Variants in SART3 observed in about 807,000 individuals in gnomAD.
The protein encoded by SART3 is spliceosome associated factor 3, U4/U6 recycling protein.
Under a neutral mutation model 122.3 loss-of-function variants are expected in SART3, and 44 were observed. The observed-to-expected ratio is 0.36, with a 90% CI of 0.28 to 0.46. The LOEUF is 0.46. SART3 is among the 20% of genes least tolerant of loss of function. The probability of loss-of-function intolerance (pLI) is 1.00; values close to 1 mark genes in which losing one functional copy is unlikely to be tolerated. For missense variants in SART3, 1,101 were observed against 1,229.0 expected (o/e 0.90, Z 1.56); for synonymous variants, 442 against 454.0 (o/e 0.97, Z 0.34).
chr12:108,530,045 G>A, intron 15 of SART3, 97 bp downstream of exon 15: 1 of 1,375,022 alleles, frequency 7.3e-7, no homozygotes, highest in East Asian at 2.3e-5. Flanking sequence ...TGGGTATCAA[G>A]CTGGTAACGG....
chr12:108,545,154 A>C lies in SART3; in HGVS notation c.714T>G (p.Ile238Met), dbSNP rs760351499. Residue 238 changes from isoleucine (I) to methionine (M), a missense_variant, in exon 4 of 19, where the codon ATT becomes ATG. Coordinates refer to ENST00000546815, the MANE Select transcript of SART3 (RefSeq NM_014706.4). ...WEAYREFESA[I>M]VEAARLEKVH... is the part of the protein sequence containing the mutation. ...AGGTACTCACCCGAGCAGCTTCCAC[A>C]ATCGCACTTTCAAACTCTCGGTAAG... 6.2e-6 allele frequency: 10 copies of C among 1,614,000 alleles called. No homozygotes were observed. The highest frequency in any genetic ancestry group is 7.6e-6 in the Non-Finnish European group (9 of 1,179,992).
At chr12:108,533,813 G>A (rs1371892114) in intron 12 of SART3, among the ~76,000 whole-genome samples, 1 of 152,164 alleles carries the variant, frequency 6.6e-6, no homozygotes, top group Non-Finnish European at 1.5e-5. Context: ...TAGAATTGTG[G>A]CATCAAGTAA....
intron 1 of SART3, among the ~76,000 whole-genome samples, chr12:108,552,551 AAACAAAAG>A (rs1359024327): frequency 6.6e-6 from 1 of 151,746 alleles, no homozygotes; most frequent in Non-Finnish European, 1.5e-5. Context: ...ACAAAAAAAA[AAACAAAAG>A]AACATGTGGA....
In SART3 at chr12:108,545,112, C is replaced by A. The variant is rs761691841; in HGVS notation, c.729+27G>T. 5.0e-6 allele frequency: 8 copies of A among 1,609,998 alleles called. No individual in the cohort carries two copies. The South Asian group carries it at 8.8e-5, about 18-fold the overall frequency. ...GAGACTTACAAAGACAGCCCCAACC[C>A]GTTCAGAGACAACCACAGGTACTCA... On this transcript the variant is annotated intron_variant, in intron 4 of 18. Transcript: ENST00000546815.
intron 11 of SART3, among the ~76,000 whole-genome samples, chr12:108,536,211 G>C (rs2136673819): frequency 6.6e-6 from 1 of 152,316 alleles, no homozygotes; most frequent in Non-Finnish European, 1.5e-5. Flanking sequence ...CGCTCACTGT[G>C]CTCTCACAAA....
chr12:108,561,100 C>T lies in SART3; in HGVS notation c.55G>A (p.Gly19Arg). ...ASEPEAESKAGPKADGEEDEV... is the reference protein window; with the variant it reads ...ASEPEAESKARPKADGEEDEV... ...TCCTCCTCTCCGTCAGCCTTGGGCCCAGCCTTGGACTCAGCCTCGGGTTCT... is the reference window on the plus strand; with the variant it reads ...TCCTCCTCTCCGTCAGCCTTGGGCCTAGCCTTGGACTCAGCCTCGGGTTCT... Residue 19 changes from glycine (G) to arginine (R), a missense_variant, in exon 1 of 19, where the codon GGG becomes AGG. This residue lies in a region of SART3 where 216 missense variants were observed against 148.9 expected (regional missense o/e 1.45). Transcript: ENST00000546815. 4 of 1,613,928 alleles carry T rather than the reference C, an allele frequency of 2.5e-6. No individual in the cohort carries two copies. The highest frequency in any genetic ancestry group is 1.1e-5 in the South Asian group (1 of 91,078).
chr12:108,545,391 A>G, intron 3 of SART3, 68 bp from the exon 4 acceptor site: 1 of 1,505,980 alleles, frequency 6.6e-7, no homozygotes, highest in Non-Finnish European at 9.2e-7. Context: ...GATGCATAAC[A>G]AACGAAATGT....
In SART3 at chr12:108,523,649, A is replaced by G. The variant is rs1872235030; in HGVS notation, c.2715-15T>C. 6.2e-7 allele frequency: 1 copy of G among 1,612,050 alleles called. No homozygotes were observed. The highest frequency in any genetic ancestry group is 8.5e-7 in the Non-Finnish European group (1 of 1,178,532). On this transcript the variant is annotated splice_polypyrimidine_tract_variant and intron_variant, in intron 18 of 18. Transcript: ENST00000546815. ...CCTTCCCCCTCCTAAAAGAGCAAAC[A>G]CTGAATGGACCTTTTGAAGCAACAA...
intron 14 of SART3, among the ~76,000 whole-genome samples, chr12:108,530,806 C>T (rs1032201197): frequency 1.3e-5 from 2 of 151,676 alleles, no homozygotes; most frequent in African/African-American, 2.4e-5. Flanking sequence ...TGCAGTGAGC[C>T]GAGATCATGC....
At chr12:108,552,141 CAA>C (rs2030032731) in intron 1 of SART3, among the ~76,000 whole-genome samples, 2 of 151,874 alleles carry the variant, frequency 1.3e-5, no homozygotes, top group Non-Finnish European at 2.9e-5. Context: ...CAAAATCCAA[CAA>C]CGATTCATGG....
chr12:108,542,837 G>T, intron 6 of SART3, 191 bp downstream of exon 6: 2 of 788,850 alleles, frequency 2.5e-6, no homozygotes, highest in Non-Finnish European at 4.2e-6. Flanking sequence ...TACTGGCAAT[G>T]TTCTATTTCT....
intron 10 of SART3, 56 bp from the exon 11 acceptor site, chr12:108,536,628 G>C: frequency 1.2e-6 from 2 of 1,608,798 alleles, no homozygotes; most frequent in Non-Finnish European, 1.7e-6. Context: ...ATAGTCGCTG[G>C]CTGAAAAGGT....
At position 108,560,975 on chromosome 12, in the gene SART3, T is replaced by C; in HGVS notation, c.180A>G (p.Glu60=). 1 of 1,614,108 alleles carries C rather than the reference T, an allele frequency of 6.2e-7. No individual in the cohort carries two copies. The highest frequency in any genetic ancestry group is 8.5e-7 in the Non-Finnish European group (1 of 1,180,004). ...CATCCCCATCGCTCTCGCTCACGCC[T>C]TCCTCCTGCTGATCCCACGCTGGCC... ...TMGPAWDQQE[E]GVSESDGDEY... The change falls in exon 1 of 19, where the codon GAA becomes GAG. Residue 60 remains glutamate (E), a synonymous_variant. Coordinates refer to ENST00000546815, the MANE Select transcript of SART3 (RefSeq NM_014706.4).
At chr12:108,529,191 T>C (rs1006249348) in intron 15 of SART3, among the ~76,000 whole-genome samples, 10 of 152,256 alleles carry the variant, frequency 6.6e-5, no homozygotes, top group Non-Finnish European at 1.2e-4. Flanking sequence ...GGGAACCCTG[T>C]GGTGTTAGAC....
In SART3 at chr12:108,545,280, CCCA is replaced by C; in HGVS notation, c.585_587del (p.Gly196del). On this transcript the variant is annotated inframe_deletion, in exon 4 of 19. Transcript: ENST00000546815. ...TCTCAAGGCCACCTTTCTGACCAAT[CCCA>C]CCAACTGAGTACTGGCCATACTCTA... 1 of 1,614,170 alleles carries C rather than the reference CCCA, an allele frequency of 6.2e-7. No homozygotes were observed. Among genetic ancestry groups the C allele is most frequent in the Non-Finnish European group, 8.5e-7 (1 of 1,180,022 alleles).
intron 5 of SART3, among the ~76,000 whole-genome samples, chr12:108,543,750 T>C (rs1463776030): frequency 6.6e-6 from 1 of 152,182 alleles, no homozygotes; most frequent in East Asian, 1.9e-4. Flanking sequence ...TGGGCTCCAG[T>C]AAAGTTGCCC....
chr12:108,542,527 A>G (rs1873213922), intron 6 of SART3, among the ~76,000 whole-genome samples: 1 of 135,174 alleles, frequency 7.4e-6, no homozygotes, highest in Non-Finnish European at 1.8e-5. Context: ...ATGGATAAAT[A>G]CATCGCAGTA....
At chr12:108,560,687 G>C (rs1030675309) in intron 1 of SART3, 156 bp downstream of exon 1, 4 of 609,390 alleles carry the variant, frequency 6.6e-6, no homozygotes, top group South Asian at 4.5e-5. Context: ...TGGGCAGGCA[G>C]TAAGCACTCA....
intron 1 of SART3, among the ~76,000 whole-genome samples, chr12:108,552,443 G>C (rs1345509227): frequency 6.9e-6 from 1 of 145,206 alleles, no homozygotes; most frequent in African/African-American, 2.5e-5. Context: ...TAGATGATAT[G>C]GCTAAGTAGA....
Sources: gnomAD v4.1 joint callset for allele counts (sites outside exome capture counted in the v4.1 genomes callset) on GRCh38, gnomAD v4.1.1 for gene constraint, gnomAD v4.1.1 regional missense constraint, MANE v1.5 for transcripts, NCBI Gene and HGNC (gene_info 2026-07-23, HGNC 2026-07-21) for gene names.